Variants in SLC35F1 observed in about 807,000 individuals in gnomAD.
SLC35F1 encodes the protein solute carrier family 35 member F1.
Under a neutral mutation model 48.7 loss-of-function variants are expected in SLC35F1, and 14 were observed. That is an observed-to-expected ratio of 0.29 (90% CI 0.19 to 0.45). SLC35F1 has a LOEUF of 0.45. SLC35F1 is among the 20% of genes least tolerant of loss of function. The probability of loss-of-function intolerance (pLI) is 1.00; values close to 1 mark genes in which losing one functional copy is unlikely to be tolerated. For missense variants in SLC35F1, 404 were observed against 500.0 expected (o/e 0.81, Z 1.83); for synonymous variants, 190 against 202.2 (o/e 0.94, Z 0.51).
At chr6:118,128,774 C>A (rs1047914676) in intron 1 of SLC35F1, among the ~76,000 whole-genome samples, 2 of 151,128 alleles carry the variant, frequency 1.3e-5, no homozygotes, top group Non-Finnish European at 3.0e-5. Context: ...AACTAACCTG[C>A]ACATTGTGCA....
chr6:118,053,007 C>CT (rs1350701891), intron 1 of SLC35F1, among the ~76,000 whole-genome samples: 4 of 151,666 alleles, frequency 2.6e-5, no homozygotes, highest in African/African-American at 9.7e-5. Context: ...TTATCATTAA[C>CT]TTTGATGAGG....
At chr6:117,976,145 A>G (rs1211232851) in intron 1 of SLC35F1, among the ~76,000 whole-genome samples, 2 of 152,218 alleles carry the variant, frequency 1.3e-5, no homozygotes, top group Non-Finnish European at 2.9e-5. Flanking sequence ...TCTAGTGAGC[A>G]CAATTCTTTG....
chr6:118,234,528 C>T (rs1323759193), intron 2 of SLC35F1, among the ~76,000 whole-genome samples: 4 of 152,262 alleles, frequency 2.6e-5, no homozygotes, highest in Admixed American at 2.0e-4. Flanking sequence ...ACTGCATTCC[C>T]GGTTGACAAC....
chr6:117,919,963 A>C (rs1270619877), intron 1 of SLC35F1, among the ~76,000 whole-genome samples: 4 of 152,180 alleles, frequency 2.6e-5, no homozygotes, highest in African/African-American at 9.7e-5. Flanking sequence ...AAAAGGCTCC[A>C]CAGAGGCAGG....
intron 1 of SLC35F1, among the ~76,000 whole-genome samples, chr6:118,121,180 A>G (rs751846611): frequency 3.9e-5 from 6 of 152,192 alleles, no homozygotes; most frequent in Non-Finnish European, 7.3e-5. Flanking sequence ...CACCATGGTA[A>G]GCATTAGCAT....
At chr6:118,062,044 C>G (rs1772549425) in intron 1 of SLC35F1, among the ~76,000 whole-genome samples, 1 of 148,780 alleles carries the variant, frequency 6.7e-6, no homozygotes, top group African/African-American at 2.5e-5. Context: ...CTAGTGGATA[C>G]CTATTTTTTC....
intron 1 of SLC35F1, among the ~76,000 whole-genome samples, chr6:118,114,598 G>A (rs1773452534): frequency 6.6e-6 from 1 of 151,730 alleles, no homozygotes; most frequent in Admixed American, 6.6e-5. Context: ...GGATGGTCTT[G>A]ATCTCCTGAC....
intron 1 of SLC35F1, among the ~76,000 whole-genome samples, chr6:118,018,412 A>G (rs561464392): frequency 8.6e-4 from 131 of 152,082 alleles, no homozygotes; most frequent in Non-Finnish European, 1.6e-3. Context: ...AATAATTCCT[A>G]CCTTACAGGG....
intron 1 of SLC35F1, among the ~76,000 whole-genome samples, chr6:118,084,904 G>C (rs757061471): frequency 2.6e-5 from 4 of 152,116 alleles, no homozygotes; most frequent in Non-Finnish European, 5.9e-5. Context: ...CCCTGGTTCT[G>C]TGGGTAGCCT....
At chr6:118,260,224 G>A (rs1775695381) in intron 3 of SLC35F1, among the ~76,000 whole-genome samples, 1 of 152,128 alleles carries the variant, frequency 6.6e-6, no homozygotes, top group South Asian at 2.1e-4. Flanking sequence ...TGTGAGGAGA[G>A]AGGAATGTAC....
At chr6:118,010,410 G>C (rs756348520) in intron 1 of SLC35F1, among the ~76,000 whole-genome samples, 2 of 152,126 alleles carry the variant, frequency 1.3e-5, no homozygotes, top group African/African-American at 2.4e-5. Flanking sequence ...GAAAGCTCTT[G>C]AATATATTTT....
chr6:118,190,528 C>T (rs910929550), intron 2 of SLC35F1, among the ~76,000 whole-genome samples: 1 of 152,052 alleles, frequency 6.6e-6, no homozygotes, highest in African/African-American at 2.4e-5. Context: ...CCACTCTCAG[C>T]GTGATTTTGG....
intron 6 of SLC35F1, among the ~76,000 whole-genome samples, chr6:118,284,775 A>G (rs1055883111): frequency 6.6e-6 from 1 of 152,202 alleles, no homozygotes; most frequent in African/African-American, 2.4e-5. Flanking sequence ...TGGGCAATAC[A>G]TGATAGCAAG....
intron 1 of SLC35F1, among the ~76,000 whole-genome samples, chr6:117,934,391 C>A (rs1474936519): frequency 1.3e-5 from 2 of 152,036 alleles, no homozygotes; most frequent in African/African-American, 2.4e-5. Flanking sequence ...TACTCTGGGA[C>A]AGTATTGGGG....
intron 2 of SLC35F1, among the ~76,000 whole-genome samples, chr6:118,197,594 C>T (rs1194707286): frequency 1.3e-5 from 2 of 152,116 alleles, no homozygotes; most frequent in Admixed American, 6.5e-5. Context: ...TCTGAGCTTA[C>T]GAAAATTGAT....
chr6:118,145,118 T>G (rs889660729), intron 1 of SLC35F1, among the ~76,000 whole-genome samples: 1 of 152,228 alleles, frequency 6.6e-6, no homozygotes, highest in Non-Finnish European at 1.5e-5. Flanking sequence ...ACCCATTCAT[T>G]AGCTGTCACT....
chr6:118,259,347 G>A (rs1221442934), intron 3 of SLC35F1, among the ~76,000 whole-genome samples: 1 of 151,980 alleles, frequency 6.6e-6, no homozygotes, highest in Admixed American at 6.6e-5. Context: ...GTTTTTAAAA[G>A]TGTATACTCT....
intron 1 of SLC35F1, among the ~76,000 whole-genome samples, chr6:118,082,699 C>T (rs1054110463): frequency 3.9e-5 from 6 of 151,914 alleles, no homozygotes; most frequent in African/African-American, 1.5e-4. Flanking sequence ...AGCTGTTTTT[C>T]TCTTTGTGTT....
At chr6:117,927,919 G>A (rs1776050034) in intron 1 of SLC35F1, among the ~76,000 whole-genome samples, 1 of 152,140 alleles carries the variant, frequency 6.6e-6, no homozygotes. Context: ...CTGATTCATG[G>A]AGATAGATTT....
Sources: gnomAD v4.1 joint callset for allele counts (sites outside exome capture counted in the v4.1 genomes callset) on GRCh38, gnomAD v4.1.1 for gene constraint, MANE v1.5 for transcripts, NCBI Gene and HGNC (gene_info 2026-07-23, HGNC 2026-07-21) for gene names.